The following CHRNB3 variants were observed in gnomAD, a reference collection of about 807,000 sequenced individuals.
CHRNB3 encodes the protein cholinergic receptor nicotinic beta 3 subunit, also known as neuronal acetylcholine receptor subunit beta-3.
A neutral mutation model predicts 40.6 loss-of-function variants in CHRNB3; 37 were observed. That is an observed-to-expected ratio of 0.91 (90% confidence interval 0.70 to 1.20). CHRNB3 has a LOEUF of 1.20. Ranked by LOEUF, CHRNB3 falls within the 50% of genes most tolerant of loss-of-function variation. The probability of loss-of-function intolerance (pLI) is 0.00; values close to 1 mark genes in which losing one functional copy is unlikely to be tolerated. For missense variants in CHRNB3, 505 were observed against 551.2 expected, an observed-to-expected ratio of 0.92 and a Z score of 0.84; for synonymous variants, 207 against 207.1, an observed-to-expected ratio of 1.00 and a Z score of 0.00.
In CHRNB3 at chr8:42,731,938, G is replaced by C; in HGVS notation, c.631G>C (p.Gly211Arg). 6.2e-7 allele frequency: 1 copy of C among 1,614,118 alleles called. No individual in the cohort carries two copies. The highest frequency in any genetic ancestry group is 1.1e-5 in the South Asian group (1 of 91,086). Residue 211 changes from glycine (G) to arginine (R), a missense_variant, in exon 5 of 6, where the codon GGG becomes CGG. Coordinates refer to ENST00000289957, the MANE Select transcript of CHRNB3 (RefSeq NM_000749.5). ...AATACTGAACGCAAAGGGGATGAAG[G>C]GGAACAGAAGGGACGGCGTGTACTC... ...WEILNAKGMK[G>R]NRRDGVYSYP...
chr8:42,719,981 C>A (rs1586402447), intron 3 of CHRNB3, among the ~76,000 whole-genome samples: 1 of 152,018 alleles, frequency 6.6e-6, no homozygotes, highest in Admixed American at 6.6e-5. Flanking sequence ...CCTTTAAAAT[C>A]CTCCTCAAGG....
At chr8:42,725,074 CT>C (rs899042930) in intron 3 of CHRNB3, among the ~76,000 whole-genome samples, 4 of 149,320 alleles carry the variant, frequency 2.7e-5, no homozygotes, top group Admixed American at 1.3e-4. Context: ...ACTGTCTTTT[CT>C]TTTTTCTTTC....
chr8:42,731,822 G>A lies in CHRNB3; in HGVS notation c.515G>A (p.Gly172Glu), dbSNP rs1816428344. Residue 172 changes from glycine (G) to glutamate (E), a missense_variant, in exon 5 of 6, where the codon GGA (glycine) becomes GAA (glutamate). Coordinates refer to ENST00000289957, the MANE Select transcript of CHRNB3 (RefSeq NM_000749.5). ...FDRQNCSMKF[G>E]SWTYDGTMVD... ...CGACAGAACTGCTCCATGAAGTTTG[G>A]ATCCTGGACTTATGATGGCACCATG... 6.2e-7 allele frequency: 1 copy of A among 1,614,108 alleles called. No homozygotes were observed. The highest frequency in any genetic ancestry group is 2.2e-5 in the East Asian group (1 of 44,886).
At chr8:42,734,259 CAAAAAAAAAAAA>C (rs769371275) in intron 5 of CHRNB3, among the ~76,000 whole-genome samples, 47 of 23,990 alleles carry the variant, frequency 2.0e-3, no homozygotes, top group Middle Eastern at 0.033. Flanking sequence ...GACTCCATCT[CAAAAAAAAAAAA>C]AAAAAAAAAA....
chr8:42,729,833 G>A (rs927500900), intron 3 of CHRNB3, among the ~76,000 whole-genome samples: 7 of 152,108 alleles, frequency 4.6e-5, no homozygotes, highest in African/African-American at 1.7e-4. Context: ...ACTCTGCTGT[G>A]ATTGGGTCAT....
In CHRNB3 at chr8:42,702,972, G is replaced by A. The variant is rs1815841112; in HGVS notation, c.52+5374G>A. ...GGCCACCATCAGCTGGATGGCCCTG[G>A]GCAAGGCTCCTCTCGATGCCCCAGT... On this transcript the variant is annotated intron_variant, in intron 1 of 5. Transcript: ENST00000289957. Among the ~76,000 whole-genome samples the A allele has an allele frequency of 2.0e-5, 3 of 152,170 alleles. No homozygotes were observed. The South Asian group carries it at 6.2e-4, about 32-fold the overall frequency.
At chr8:42,710,459 T>C in intron 3 of CHRNB3, 25 bp downstream of exon 3, 1 of 1,579,826 alleles carries the variant, frequency 6.3e-7, no homozygotes. Flanking sequence ...AAGGATTGTG[T>C]CTGCTAACCC....
In CHRNB3 at chr8:42,736,614, A is replaced by ACATC. The variant is rs570048008; in HGVS notation, c.1373_1374insCATC (p.Ter459IlefsTer5). ...TTGAAGATGTGGCTACATAGTTACCATTAGGAATTTAAAAGACATAAGACT... is the reference window on the plus strand; with the variant it reads ...TTGAAGATGTGGCTACATAGTTACCACATCTTAGGAATTTAAAAGACATAAGACT... On this transcript the variant is annotated frameshift_variant, in exon 6 of 6. Coordinates refer to ENST00000289957, the MANE Select transcript of CHRNB3 (RefSeq NM_000749.5). LOFTEE classifies it high-confidence loss of function. 256 of 1,614,200 alleles carry ACATC rather than the reference A, an allele frequency of 1.6e-4. 2 individuals carry two copies. The East Asian group carries it at 5.2e-3, about 33-fold the overall frequency.
At chr8:42,701,032 A>G (rs1465763684) in intron 1 of CHRNB3, among the ~76,000 whole-genome samples, 1 of 151,856 alleles carries the variant, frequency 6.6e-6, no homozygotes, top group African/African-American at 2.4e-5. Flanking sequence ...GGTGGAGACC[A>G]TCCTGGCCAA....
chr8:42,722,466 C>T (rs566814881), intron 3 of CHRNB3, among the ~76,000 whole-genome samples: 1 of 152,300 alleles, frequency 6.6e-6, no homozygotes, highest in South Asian at 2.1e-4. Flanking sequence ...GTCCCTGTGG[C>T]GCATTCCTCA....
intron 5 of CHRNB3, 144 bp downstream of exon 5, chr8:42,732,693 C>A: frequency 1.3e-6 from 1 of 762,814 alleles, no homozygotes; most frequent in Non-Finnish European, 1.9e-6. Flanking sequence ...ACATTTAAAG[C>A]AAGCCCTGAC....
At chr8:42,724,410 A>G (rs1304032941) in intron 3 of CHRNB3, among the ~76,000 whole-genome samples, 1 of 152,102 alleles carries the variant, frequency 6.6e-6, no homozygotes, top group East Asian at 1.9e-4. Flanking sequence ...TTTTTTTGGA[A>G]CATAGACTCA....
rs181094088 is a variant in CHRNB3, at chr8:42,699,144, C to A, written c.52+1546C>A. ...CTATTCATTGTAAACAAAATAGTTT[C>A]TTTTTGTTATGCAAAACTACTTTTT... On this transcript the variant is annotated intron_variant, in intron 1 of 5. Transcript: ENST00000289957. 1.4e-3 allele frequency among the ~76,000 whole-genome samples: 219 copies of A among 152,294 alleles called. 2 individuals carry two copies. The highest frequency in any genetic ancestry group is 4.9e-3 in the African/African-American group (203 of 41,564).
At position 42,732,396 on chromosome 8, in the gene CHRNB3, G is replaced by A. The variant is rs1423055317; in HGVS notation, c.1089G>A (p.Glu363=). Residue 363 remains glutamate (E), a synonymous_variant, in exon 5 of 6, where the codon GAG becomes GAA. Coordinates refer to ENST00000289957, the MANE Select transcript of CHRNB3 (RefSeq NM_000749.5). ...GCTACTCATCCCCAGAGAAAGAGGA[G>A]AGTCAACCAGTAGTGAAAGGCAAAG... ...VDRYSSPEKE[E]SQPVVKGKVL... 1.9e-6 allele frequency: 3 copies of A among 1,613,838 alleles called. No homozygotes were observed. The highest frequency in any genetic ancestry group is 1.3e-5 in the African/African-American group (1 of 74,844).
intron 1 of CHRNB3, chr8:42,705,652 G>C (rs1343039883): frequency 6.6e-6 from 1 of 152,208 alleles, no homozygotes; most frequent in Non-Finnish European, 1.5e-5. Flanking sequence ...AATTCCTCAG[G>C]TTGTGGTATC....
rs541304694 is a variant in CHRNB3, at chr8:42,736,712, C to T, written c.*94C>T. 7.1e-6 allele frequency: 10 copies of T among 1,412,554 alleles called. No homozygotes were observed. In the African/African-American group the frequency reaches 1.1e-4, roughly 16 times the overall value. The allele number at this position is 1,412,554 out of a possible 1,614,324, so 87.5% of individuals were successfully genotyped here. The stretch of plus-strand genomic sequence containing the variant: ...AAATGCATGTGCTTGTTCTACGAAC[C>T]CCGAATGCGTTGTCTTTGTGGAAAT... On this transcript the variant is annotated 3_prime_UTR_variant, in exon 6 of 6. Coordinates refer to ENST00000289957, the MANE Select transcript of CHRNB3 (RefSeq NM_000749.5).
intron 3 of CHRNB3, among the ~76,000 whole-genome samples, chr8:42,719,402 T>C (rs1816179595): frequency 6.6e-6 from 1 of 152,142 alleles, no homozygotes; most frequent in Non-Finnish European, 1.5e-5. Flanking sequence ...CCCAACACTT[T>C]GGGAGGCCAA....
intron 3 of CHRNB3, among the ~76,000 whole-genome samples, chr8:42,722,382 G>GA (rs201657442): frequency 0.058 from 8,577 of 147,990 alleles, 320 homozygotes; most frequent in Middle Eastern, 0.11. Context: ...AAAAAGAAAA[G>GA]AAAAAAAAAA....
chr8:42,716,091 T>C (rs568225413), intron 3 of CHRNB3, among the ~76,000 whole-genome samples: 374 of 151,854 alleles, frequency 2.5e-3, no homozygotes, highest in Non-Finnish European at 4.4e-3. Flanking sequence ...TAATTCTGCT[T>C]CAGCCTCCCG....
Sources: allele counts gnomAD v4.1 joint callset (sites outside exome capture counted in the v4.1 genomes callset), GRCh38; gene constraint gnomAD v4.1.1; transcripts MANE v1.5; gene names NCBI Gene and HGNC (gene_info 2026-07-23, HGNC 2026-07-21).